Variants in EML6 observed in about 807,000 individuals in gnomAD.
The protein encoded by EML6 is echinoderm microtubule-associated protein-like 6.
A neutral mutation model predicts 240.1 loss-of-function variants in EML6; 154 were observed. The ratio of observed to expected loss-of-function variants is 0.64; its 90% confidence interval spans 0.56 to 0.73. The LOEUF (loss-of-function observed/expected upper bound fraction) is 0.73. Among genes scored for constraint, EML6 ranks in the 30% least tolerant of loss-of-function variants. The pLI is 0.00. For synonymous variants in EML6, 1,148 were observed against 899.0 expected, an observed-to-expected ratio of 1.28 and a Z score of -4.95; for missense variants, 2,964 against 2,474.6, an observed-to-expected ratio of 1.20 and a Z score of -4.20.
chr2:54,948,918 A>G lies in EML6; in HGVS notation c.4041A>G (p.Lys1347=), dbSNP rs1273325427. 1 of 1,551,526 alleles carries G rather than the reference A, an allele frequency of 6.4e-7. No homozygotes were observed. The highest frequency in any genetic ancestry group is 1.2e-5 in the South Asian group (1 of 84,060). Residue 1347 remains lysine (K), a synonymous_variant, in exon 29 of 42, where the codon AAA becomes AAG. Coordinates refer to ENST00000356458, the MANE Select transcript of EML6 (RefSeq NM_001039753.4). Reference sequence around the variant, plus strand: ...GCCGAGCAGCTCCCCAGCCTGAGAAACTGCAGAAGAACAATATCACCAAAA... The same window carrying G: ...GCCGAGCAGCTCCCCAGCCTGAGAAGCTGCAGAAGAACAATATCACCAAAA... The part of the protein sequence containing the change: ...PVSRAAPQPE[K]LQKNNITKKK...
intron 29 of EML6, 54 bp from the exon 30 acceptor site, chr2:54,950,596 C>T (rs1026958467): frequency 1.6e-5 from 24 of 1,542,886 alleles, no homozygotes; most frequent in African/African-American, 4.1e-5. Flanking sequence ...GTGTGTTCCT[C>T]GGCTCTCCCT....
intron 25 of EML6, among the ~76,000 whole-genome samples, chr2:54,916,404 T>C (rs1673910186): frequency 6.6e-6 from 1 of 152,220 alleles, no homozygotes; most frequent in African/African-American, 2.4e-5. Context: ...ACAAAGAATT[T>C]TCCAGCCTAA....
chr2:54,899,821 C>T (rs1052232244), intron 22 of EML6, 39 bp downstream of exon 22: 2 of 1,520,532 alleles, frequency 1.3e-6, no homozygotes, highest in African/African-American at 1.4e-5. Context: ...AGAGTATTTA[C>T]AAGTAACAGA....
Position 54,847,513 on chromosome 2 carries a change from G to C in EML6, c.1077G>C (p.Leu359Phe), listed in dbSNP as rs1253969297. ...TGTGGAGCCTGGCTGATCATGCCTT[G>C]ATCGCCCGCTGTAACATGGAAGAGG... ...VRLWSLADHALIARCNMEEAV... is the reference protein window; with the variant it reads ...VRLWSLADHAFIARCNMEEAV... Residue 359 changes from leucine to phenylalanine, a missense_variant, in exon 9 of 42, where the codon TTG (leucine) becomes TTC (phenylalanine). By Grantham distance (22) the Leu-to-Phe change is conservative. Transcript: ENST00000356458. 12 of 1,551,836 alleles carry C rather than the reference G, an allele frequency of 7.7e-6. No homozygotes were observed. Among genetic ancestry groups the C allele is most frequent in the Middle Eastern group, 1.7e-4 (1 of 5,964 alleles).
intron 7 of EML6, among the ~76,000 whole-genome samples, chr2:54,835,261 G>C (rs1470423971): frequency 6.6e-6 from 1 of 152,134 alleles, no homozygotes; most frequent in Non-Finnish European, 1.5e-5. Flanking sequence ...TTATGTTCTT[G>C]GCTATTGTCT....
chr2:54,929,535 A>T (rs1027465768), intron 28 of EML6, among the ~76,000 whole-genome samples: 2 of 152,248 alleles, frequency 1.3e-5, no homozygotes, highest in African/African-American at 4.8e-5. Context: ...GGCTGTTCAC[A>T]TTGAGGTAGG....
At chr2:54,924,569 T>C (rs1453312085) in intron 26 of EML6, among the ~76,000 whole-genome samples, 3 of 152,192 alleles carry the variant, frequency 2.0e-5, no homozygotes, top group East Asian at 3.8e-4. Flanking sequence ...AAATTATTTA[T>C]TATTTTTCAA....
At chr2:54,806,258 T>G (rs1558565217) in intron 2 of EML6, among the ~76,000 whole-genome samples, 1 of 152,318 alleles carries the variant, frequency 6.6e-6, no homozygotes, top group Non-Finnish European at 1.5e-5. Context: ...AATAGTCTTA[T>G]TTTTAAATTC....
Position 54,739,072 on chromosome 2 carries a change from C to A in EML6, c.197+13814C>A, listed in dbSNP as rs556511410. Reference sequence around the variant, plus strand: ...AAAGTGGTTGTGTCGATTTATACTTCCACCATCACAGAATAGTGTTTTCTC... The same window carrying A: ...AAAGTGGTTGTGTCGATTTATACTTACACCATCACAGAATAGTGTTTTCTC... On this transcript the variant is annotated intron_variant, in intron 2 of 41. Transcript: ENST00000356458. Among the ~76,000 whole-genome samples the A allele has an allele frequency of 5.9e-5, 9 of 152,210 alleles. No homozygotes were observed. The South Asian group carries it at 1.9e-3, about 32-fold the overall frequency.
Position 54,960,211 on chromosome 2 carries a change from C to CT in EML6, c.4854-3dup, listed in dbSNP as rs1352618547. 6.5e-7 allele frequency: 1 copy of CT among 1,545,592 alleles called. No homozygotes were observed. The highest frequency in any genetic ancestry group is 2.4e-5 in the East Asian group (1 of 40,892). Reference sequence around the variant, plus strand: ...GTTAACAGCCTGAGTCCCTTTCAATCTTTTTTAGGACCAAAGAAGGAGGTG... The same window carrying CT: ...GTTAACAGCCTGAGTCCCTTTCAATCTTTTTTTAGGACCAAAGAAGGAGGTG... On this transcript the variant is annotated splice_polypyrimidine_tract_variant and intron_variant, in intron 34 of 41. Coordinates refer to ENST00000356458, the MANE Select transcript of EML6 (RefSeq NM_001039753.4).
chr2:54,933,254 G>C (rs771633027), intron 28 of EML6, among the ~76,000 whole-genome samples: 22 of 152,068 alleles, frequency 1.4e-4, no homozygotes, highest in Non-Finnish European at 2.4e-4. Context: ...GGGCTAGGAA[G>C]AAAAAGTCTT....
chr2:54,933,168 A>T (rs182426138), intron 28 of EML6, among the ~76,000 whole-genome samples: 1 of 152,256 alleles, frequency 6.6e-6, no homozygotes, highest in African/African-American at 2.4e-5. Context: ...CTGATTCACA[A>T]GTTCCCCCTA....
At chr2:54,816,672 T>C in intron 3 of EML6, 115 bp from the exon 4 acceptor site, 1 of 782,898 alleles carries the variant, frequency 1.3e-6, no homozygotes, top group Middle Eastern at 3.1e-4. Flanking sequence ...TTTTGAGAAA[T>C]CGGTTTGTTA....
chr2:54,814,635 A>G (rs1383263656), intron 3 of EML6, among the ~76,000 whole-genome samples: 2 of 152,184 alleles, frequency 1.3e-5, no homozygotes, highest in Non-Finnish European at 2.9e-5. Context: ...CCATGCAAAG[A>G]TCTGTGAAAT....
At position 54,916,848 on chromosome 2, in the gene EML6, A is replaced by G. The variant is rs147991582; in HGVS notation, c.3588A>G (p.Val1196=). The G allele has an allele frequency of 6.5e-4, 1,009 of 1,551,112 alleles. 2 individuals are homozygous for G. Among genetic ancestry groups the G allele is most frequent in the Middle Eastern group, 2.0e-3 (12 of 5,986 alleles). The part of the protein sequence containing the change: ...IWPAHSDITD[V]NAASLTKDCS... ...CAGCACATAGCGATATAACTGACGT[A>G]AATGCTGCCAGTCTTACCAAAGACT... The change falls in exon 26 of 42, where the codon GTA becomes GTG. Residue 1196 remains valine, a synonymous_variant. Coordinates refer to ENST00000356458, the MANE Select transcript of EML6 (RefSeq NM_001039753.4).
At position 54,958,010 on chromosome 2, in the gene EML6, C is replaced by T; in HGVS notation, c.4695+12C>T. The T allele has an allele frequency of 6.5e-7, 1 of 1,542,926 alleles. No individual in the cohort carries two copies. The highest frequency in any genetic ancestry group is 1.4e-5 in the African/African-American group (1 of 72,924). ...TGGCCTTCGGTGCTGTGAGTTCTAG[C>T]AGATACTCCCTGAGAAGGGGACCCA... On this transcript the variant is annotated intron_variant, in intron 33 of 41. Coordinates refer to ENST00000356458, the MANE Select transcript of EML6 (RefSeq NM_001039753.4).
In EML6 at chr2:54,892,558, G is replaced by A; in HGVS notation, c.2644G>A (p.Ala882Thr). 1.9e-6 allele frequency: 3 copies of A among 1,551,284 alleles called. No homozygotes were observed. Among genetic ancestry groups the A allele is most frequent in the South Asian group, 1.2e-5 (1 of 84,048 alleles). ...AATGGAAGATCTAGTGTTCTCAGGA[G>A]CAGCTACTGGAGATATTTTTATTTG... ...GRMEDLVFSG[A>T]ATGDIFIWKD... is the part of the protein sequence containing the mutation. Residue 882 changes from alanine (A) to threonine (T), a missense_variant, in exon 19 of 42, where the codon GCA (alanine) becomes ACA (threonine). Coordinates refer to ENST00000356458, the MANE Select transcript of EML6 (RefSeq NM_001039753.4).
chr2:54,803,714 C>G (rs111335299), intron 2 of EML6, among the ~76,000 whole-genome samples: 1 of 152,134 alleles, frequency 6.6e-6, no homozygotes, highest in Non-Finnish European at 1.5e-5. Context: ...CAACTCTATA[C>G]TTAAATAAGT....
At chr2:54,848,541 A>ACACACACC (rs1669897259) in intron 9 of EML6, among the ~76,000 whole-genome samples, 1 of 151,988 alleles carries the variant, frequency 6.6e-6, no homozygotes, top group Non-Finnish European at 1.5e-5. Flanking sequence ...ACACACACAC[A>ACACACACC]CACACACACA....
Sources: gnomAD v4.1 joint callset for allele counts (sites outside exome capture counted in the v4.1 genomes callset) on GRCh38, gnomAD v4.1.1 for gene constraint, MANE v1.5 for transcripts, NCBI Gene and HGNC (gene_info 2026-07-23, HGNC 2026-07-21) for gene names.